Variants in HCN2 observed in about 807,000 individuals in gnomAD.
The protein encoded by HCN2 is hyperpolarization activated cyclic nucleotide gated potassium and sodium channel 2.
Under a neutral mutation model 52.3 loss-of-function variants are expected in HCN2, and 20 were observed. The ratio of observed to expected loss-of-function variants is 0.38; its 90% CI spans 0.27 to 0.56. The LOEUF (loss-of-function observed/expected upper bound fraction) is 0.56. Among genes scored for constraint, HCN2 ranks in the 20% least tolerant of loss-of-function variants. The pLI, the probability that HCN2 is intolerant of heterozygous loss-of-function variation, is 0.71. For synonymous variants in HCN2, 694 were observed against 537.0 expected (o/e 1.29, Z -4.04); for missense variants, 981 against 1,207.7 (o/e 0.81, Z 2.78).
intron 3 of HCN2, among the ~76,000 whole-genome samples, chr19:605,587 A>G: frequency 1.5e-5 from 1 of 64,598 alleles, no homozygotes. Flanking sequence ...GGGCCCTTTC[A>G]GAGGTGGGGA....
In HCN2 at chr19:589,988, G is replaced by C; in HGVS notation, c.43G>C (p.Gly15Arg). The C allele has an allele frequency of 1.3e-6, 1 of 780,090 alleles. No individual in the cohort carries two copies. The highest frequency in any genetic ancestry group is 1.5e-6 in the Non-Finnish European group (1 of 656,500). 48.3% of individuals were successfully genotyped at this position (780,090 alleles called of 1,614,324 possible). Reference sequence around the variant, plus strand: ...CGGCGGGCGGCCCGGGGAGAGCCCGGGCGCGACCCCCGCGCCGGGGCCGCC... The same window carrying C: ...CGGCGGGCGGCCCGGGGAGAGCCCGCGCGCGACCCCCGCGCCGGGGCCGCC... ...GGGGRPGESPGATPAPGPPPP... is the reference protein window; with the variant it reads ...GGGGRPGESPRATPAPGPPPP... Residue 15 changes from glycine (G) to arginine (R), a missense_variant, in exon 1 of 8, where the codon GGC becomes CGC. This residue lies in a region of HCN2 where 215 missense variants were observed against 179.4 expected (regional missense o/e 1.20). Transcript: ENST00000251287.
At position 616,976 on chromosome 19, in the gene HCN2, C is replaced by T. The variant is rs1045871420; in HGVS notation, c.*502C>T. The T allele has an allele frequency of 2.1e-6, 1 of 469,702 alleles. No individual in the cohort carries two copies. The highest frequency in any genetic ancestry group is 3.6e-5 in the Admixed American group (1 of 27,454). 29.1% of individuals were successfully genotyped at this position (469,702 alleles called of 1,614,324 possible). On this transcript the variant is annotated 3_prime_UTR_variant, in exon 8 of 8. Coordinates refer to ENST00000251287, the MANE Select transcript of HCN2 (RefSeq NM_001194.4). ...GTGACCTCGGGGAGCAGCACCCCGCCTCCCTCCAGCACTGGCACCGAGAGG... is the reference window on the plus strand; with the variant it reads ...GTGACCTCGGGGAGCAGCACCCCGCTTCCCTCCAGCACTGGCACCGAGAGG...
In HCN2 at chr19:616,310, G is replaced by A; in HGVS notation, c.2506G>A (p.Ala836Thr). 1 of 1,116,606 alleles carries A rather than the reference G, an allele frequency of 9.0e-7. No homozygotes were observed. The allele number at this position is 1,116,606 out of a possible 1,614,324, so 69.2% of individuals were successfully genotyped here. Residue 836 changes from alanine (A) to threonine (T), a missense_variant, in exon 8 of 8, where the codon GCC becomes ACC. By Grantham distance (58) the Ala-to-Thr change is moderately conservative. Coordinates refer to ENST00000251287, the MANE Select transcript of HCN2 (RefSeq NM_001194.4). ...GCCTCACGGCGCCCCCGGCCCCGCGGCCTCCACACGCCCGGCCAGCAGCTC... is the reference window on the plus strand; with the variant it reads ...GCCTCACGGCGCCCCCGGCCCCGCGACCTCCACACGCCCGGCCAGCAGCTC... ...SLPHGAPGPA[A>T]STRPASSSTP...
chr19:590,002 G>T lies in HCN2; in HGVS notation c.57G>T (p.Ala19=). ...GGGAGAGCCCGGGCGCGACCCCCGC[G>T]CCGGGGCCGCCGCCGCCGCCGCCGC... ...RPGESPGATP[A]PGPPPPPPPA... is the part of the protein sequence containing the mutation. The change falls in exon 1 of 8, where the codon GCG becomes GCT. Residue 19 remains alanine (A), a synonymous_variant. Transcript: ENST00000251287. The surrounding 1 kb of genome is among the most constrained non-coding windows in gnomAD (Gnocchi z 7.2). 1 of 660,242 alleles carries T rather than the reference G, an allele frequency of 1.5e-6. No homozygotes were observed. The highest frequency in any genetic ancestry group is 1.8e-6 in the Non-Finnish European group (1 of 548,416). 40.9% of individuals were successfully genotyped at this position (660,242 alleles called of 1,614,324 possible). A position where few individuals can be genotyped will look rare whatever the true frequency, so the allele number is the denominator to read the frequency against.
At chr19:604,650 CT>C (rs1983344645) in intron 2 of HCN2, among the ~76,000 whole-genome samples, 3 of 62,512 alleles carry the variant, frequency 4.8e-5, no homozygotes, top group Admixed American at 1.8e-4. Flanking sequence ...AAGGGCGGGA[CT>C]ATGAGGGTTG....
intron 1 of HCN2, among the ~76,000 whole-genome samples, chr19:601,563 T>C (rs1241529777): frequency 6.6e-6 from 1 of 150,930 alleles, no homozygotes; most frequent in Non-Finnish European, 1.5e-5. Context: ...GTGAACACGG[T>C]GGGGTGGTTG....
rs1279766685 is a variant in HCN2 at position 613,327 on chromosome 19, C to T, written c.1664C>T (p.Ala555Val). 8 of 1,612,948 alleles carry T rather than the reference C, an allele frequency of 5.0e-6. No individual in the cohort carries two copies. The highest frequency in any genetic ancestry group is 6.8e-6 in the Non-Finnish European group (8 of 1,179,928). The change falls in exon 6 of 8, where the codon GCC (alanine) becomes GTC (valine). Residue 555 changes from alanine (A) to valine (V), a missense_variant. Around this residue, in one of 6 missense-constraint regions of HCN2, gnomAD observed 282 missense variants for 553.8 expected, o/e 0.51. Transcript: ENST00000251287. ...FANADPNFVTAMLTKLKFEVF... is the reference protein window; with the variant it reads ...FANADPNFVTVMLTKLKFEVF... The stretch of plus-strand genomic sequence containing the variant: ...AACGCCGACCCCAACTTCGTCACGG[C>T]CATGCTGACCAAGCTCAAGTTCGAG...
chr19:610,471 C>CT, intron 5 of HCN2, 66 bp downstream of exon 5: 2 of 1,453,242 alleles, frequency 1.4e-6, no homozygotes, highest in Non-Finnish European at 1.9e-6. Context: ...TCTCCTGGAG[C>CT]CCAGGAGCCG....
At chr19:604,455 G>C (rs1983331429) in intron 2 of HCN2, among the ~76,000 whole-genome samples, 1 of 142,100 alleles carries the variant, frequency 7.0e-6, no homozygotes, top group Admixed American at 6.9e-5. Context: ...CTATGATGCT[G>C]CTGGGGTGGA....
chr19:607,373 G>A (rs940800361), intron 3 of HCN2, among the ~76,000 whole-genome samples: 5 of 152,198 alleles, frequency 3.3e-5, no homozygotes, highest in African/African-American at 1.2e-4. Context: ...GTTTGGTTTG[G>A]ACACAGAGCA....
At chr19:612,776 C>T (rs577500548) in intron 5 of HCN2, among the ~76,000 whole-genome samples, 1 of 148,760 alleles carries the variant, frequency 6.7e-6, no homozygotes, top group African/African-American at 2.5e-5. Context: ...TGCGCTCAGG[C>T]TGGAGGGCAG....
At chr19:614,460 A>G (rs1983811847) in intron 7 of HCN2, among the ~76,000 whole-genome samples, 1 of 152,158 alleles carries the variant, frequency 6.6e-6, no homozygotes, top group African/African-American at 2.4e-5. Flanking sequence ...GTGTGCCAGC[A>G]GGGCAGGTGG....
At chr19:605,384 T>C (rs371873903) in intron 3 of HCN2, among the ~76,000 whole-genome samples, 162 bp downstream of exon 3, 5,317 of 53,900 alleles carry the variant, frequency 0.099, 424 homozygotes, top group Middle Eastern at 0.2. Context: ...CTTACAGAGG[T>C]GGGGACCCAG....
chr19:595,553 C>T (rs1364664981), intron 1 of HCN2, among the ~76,000 whole-genome samples: 1 of 152,300 alleles, frequency 6.6e-6, no homozygotes, highest in African/African-American at 2.4e-5. Context: ...GCCCTCCCCT[C>T]ACCATCTCAT....
Position 591,451 on chromosome 19 carries a change from G to A in HCN2, c.632+874G>A, listed in dbSNP as rs1982869976. ...GGGACGTGTGGTTTGTGTGTGTTGG[G>A]ACCAGGTGGCGGGCGTGCGCGTGTA... On this transcript the variant is annotated intron_variant, in intron 1 of 7. Transcript: ENST00000251287. This position sits in a 1 kb window ranked among gnomAD's most constrained non-coding sequence, Gnocchi z 4.1. Among the ~76,000 whole-genome samples the A allele has an allele frequency of 6.6e-6, 1 of 152,008 alleles. No individual in the cohort carries two copies. Among genetic ancestry groups the A allele is most frequent in the East Asian group, 1.9e-4 (1 of 5,140 alleles).
Position 615,863 on chromosome 19 carries a change from GAGA to G in HCN2, c.2061_2063del (p.Glu687_Asn688delinsAsp). 6.2e-7 allele frequency: 1 copy of G among 1,613,126 alleles called. No individual in the cohort carries two copies. Among genetic ancestry groups the G allele is most frequent in the Non-Finnish European group, 8.5e-7 (1 of 1,179,904 alleles). Reference sequence around the variant, plus strand: ...CAACTCGGGCGTATTCAACAACCAGGAGAACGCCATCATCCAGGAGATCGTCAA... The same window carrying G: ...CAACTCGGGCGTATTCAACAACCAGGACGCCATCATCCAGGAGATCGTCAA... On this transcript the variant is annotated inframe_deletion, in exon 8 of 8. Coordinates refer to ENST00000251287, the MANE Select transcript of HCN2 (RefSeq NM_001194.4).
intron 1 of HCN2, among the ~76,000 whole-genome samples, chr19:601,531 C>CATG (rs566549486): frequency 4.0e-5 from 6 of 151,282 alleles, no homozygotes; most frequent in Non-Finnish European, 7.4e-5. Context: ...GCGGAGTGGT[C>CATG]GTCGTCCGCA....
At position 617,157 on chromosome 19, in the gene HCN2, C is replaced by T. The variant is rs1199115439; in HGVS notation, c.*683C>T. 20 of 1,173,884 alleles carry T rather than the reference C, an allele frequency of 1.7e-5. No homozygotes were observed. The highest frequency in any genetic ancestry group is 2.8e-4 in the Middle Eastern group (1 of 3,566). The allele number at this position is 1,173,884 out of a possible 1,614,324, so 72.7% of individuals were successfully genotyped here. A position where few individuals can be genotyped will look rare whatever the true frequency, so the allele number is the denominator to read the frequency against. On this transcript the variant is annotated 3_prime_UTR_variant, in exon 8 of 8. Transcript: ENST00000251287. ...GCGCAATAAACGACAGCATTGGCGC[C>T]AAGCCTGGCCGCGTGTGATTGCCCG...
At chr19:609,293 GC>G (rs1234765812) in intron 4 of HCN2, among the ~76,000 whole-genome samples, 1 of 152,202 alleles carries the variant, frequency 6.6e-6, no homozygotes, top group Non-Finnish European at 1.5e-5. Flanking sequence ...TGGCACCCCC[GC>G]CCAGCACCCA....
Sources: allele counts gnomAD v4.1 joint callset (sites outside exome capture counted in the v4.1 genomes callset), GRCh38; gene constraint gnomAD v4.1.1; regional missense constraint gnomAD v4.1.1; non-coding constraint Gnocchi (gnomAD v3.1); transcripts MANE v1.5; gene names NCBI Gene and HGNC (gene_info 2026-07-23, HGNC 2026-07-21).